The following UNC5D variants were observed in gnomAD, a reference collection of about 807,000 sequenced individuals.
UNC5D encodes the protein netrin receptor UNC5D.
UNC5D carries 39 observed loss-of-function variants against 105.4 expected under a neutral mutation model. The ratio of observed to expected loss-of-function variants is 0.37; its 90% confidence interval spans 0.29 to 0.48. The LOEUF (loss-of-function observed/expected upper bound fraction) is 0.48. Ranked by LOEUF, UNC5D falls within the 20% of genes least tolerant of loss-of-function variation. The pLI, the probability that UNC5D is intolerant of heterozygous loss-of-function variation, is 0.98. For synonymous variants in UNC5D, 452 were observed against 450.4 expected (o/e 1.00, Z -0.04); for missense variants, 991 against 1,202.4 (o/e 0.82, Z 2.60).
intron 1 of UNC5D, among the ~76,000 whole-genome samples, chr8:35,454,723 C>T (rs1372675153): frequency 6.6e-6 from 1 of 152,032 alleles, no homozygotes; most frequent in Non-Finnish European, 1.5e-5. Flanking sequence ...CTGTGTAGCC[C>T]CCGTACCCAT....
chr8:35,295,462 G>C (rs1308741352), intron 1 of UNC5D, among the ~76,000 whole-genome samples: 1 of 152,038 alleles, frequency 6.6e-6, no homozygotes, highest in Non-Finnish European at 1.5e-5. Flanking sequence ...GACTCACACA[G>C]CTCAGGCCTG....
At chr8:35,358,922 A>C (rs1801707789) in intron 1 of UNC5D, among the ~76,000 whole-genome samples, 1 of 152,208 alleles carries the variant, frequency 6.6e-6, no homozygotes, top group African/African-American at 2.4e-5. Context: ...GAATGAGTTA[A>C]GAATTGGTAT....
intron 1 of UNC5D, among the ~76,000 whole-genome samples, chr8:35,241,084 T>A (rs1320217043): frequency 1.3e-5 from 2 of 152,204 alleles, no homozygotes; most frequent in Non-Finnish European, 2.9e-5. Flanking sequence ...GCATGAGATT[T>A]GAGAATAGAT....
intron 1 of UNC5D, among the ~76,000 whole-genome samples, chr8:35,431,210 A>G (rs927217927): frequency 1.4e-4 from 22 of 152,198 alleles, no homozygotes; most frequent in African/African-American, 4.8e-4. Context: ...GTAAAAGACC[A>G]TAAGTGTAAA....
At chr8:35,410,034 A>G (rs933448728) in intron 1 of UNC5D, among the ~76,000 whole-genome samples, 1 of 151,820 alleles carries the variant, frequency 6.6e-6, no homozygotes, top group Non-Finnish European at 1.5e-5. Context: ...AATTGGGGAG[A>G]ATTGACACTT....
intron 4 of UNC5D, among the ~76,000 whole-genome samples, chr8:35,604,083 A>C (rs753195764): frequency 6.6e-6 from 1 of 152,170 alleles, no homozygotes; most frequent in Non-Finnish European, 1.5e-5. Flanking sequence ...TGATCCTGTC[A>C]TTATGATGTT....
intron 4 of UNC5D, among the ~76,000 whole-genome samples, chr8:35,617,643 T>C (rs114917108): frequency 0.012 from 1,811 of 152,260 alleles, 41 homozygotes; most frequent in African/African-American, 0.041. Flanking sequence ...TTTGTGCAAA[T>C]TGCAGTGGCT....
chr8:35,455,305 GTGTCATTC>G (rs1043733756), intron 1 of UNC5D, among the ~76,000 whole-genome samples: 1 of 148,358 alleles, frequency 6.7e-6, no homozygotes, highest in African/African-American at 2.5e-5. Context: ...TTGAGACTGA[GTGTCATTC>G]TGTCACCCAG....
At chr8:35,343,097 A>C (rs186721516) in intron 1 of UNC5D, among the ~76,000 whole-genome samples, 1 of 152,192 alleles carries the variant, frequency 6.6e-6, no homozygotes, top group East Asian at 1.9e-4. Context: ...GGTTCTGACA[A>C]GTTCCTAGGT....
At chr8:35,646,733 G>A (rs1160175075) in intron 4 of UNC5D, among the ~76,000 whole-genome samples, 1 of 152,006 alleles carries the variant, frequency 6.6e-6, no homozygotes, top group East Asian at 1.9e-4. Context: ...GATCACTGAT[G>A]ATTATTATTT....
intron 15 of UNC5D, among the ~76,000 whole-genome samples, chr8:35,768,839 G>A (rs1801887160): frequency 6.6e-6 from 1 of 152,124 alleles, no homozygotes; most frequent in Non-Finnish European, 1.5e-5. Context: ...ATAATGAGAG[G>A]CAAGTATGAG....
At chr8:35,441,628 G>T (rs926459746) in intron 1 of UNC5D, among the ~76,000 whole-genome samples, 7 of 151,622 alleles carry the variant, frequency 4.6e-5, no homozygotes, top group Non-Finnish European at 8.8e-5. Flanking sequence ...TTAGACGTGG[G>T]TCACTGGCTT....
In UNC5D at chr8:35,435,479, G is replaced by C. The variant is rs192828394; in HGVS notation, c.104-113813G>C. Among the ~76,000 whole-genome samples the C allele has an allele frequency of 3.9e-5, 6 of 152,182 alleles. No homozygotes were observed. In the East Asian group the frequency reaches 1.2e-3, roughly 29 times the overall value. The stretch of plus-strand genomic sequence containing the variant: ...CAGTTTCTAAGAACTAGTAATTACA[G>C]GTAGAATGACATTGGAAGTTGTATT... On this transcript the variant is annotated intron_variant, in intron 1 of 16. Transcript: ENST00000404895.
At chr8:35,748,093 G>T (rs1830090517) in intron 11 of UNC5D, among the ~76,000 whole-genome samples, 1 of 152,152 alleles carries the variant, frequency 6.6e-6, no homozygotes, top group East Asian at 1.9e-4. Context: ...CCAGCATTAA[G>T]AATATTTTAG....
intron 4 of UNC5D, among the ~76,000 whole-genome samples, chr8:35,602,881 AC>A (rs1819994107): frequency 1.6e-5 from 1 of 62,270 alleles, no homozygotes; most frequent in East Asian, 5.4e-4. Context: ...CCCTCCCCCC[AC>A]CCCACAACAG....
chr8:35,656,137 C>T (rs1373749251), intron 4 of UNC5D, among the ~76,000 whole-genome samples: 1 of 152,144 alleles, frequency 6.6e-6, no homozygotes, highest in Non-Finnish European at 1.5e-5. Flanking sequence ...GAGTTATCTG[C>T]CTCTCCGCTG....
chr8:35,549,199 C>A, intron 1 of UNC5D, 93 bp from the exon 2 acceptor site: 1 of 1,184,838 alleles, frequency 8.4e-7, no homozygotes, highest in Non-Finnish European at 1.2e-6. Context: ...TTCTCCAGCA[C>A]AGAATCTTAG....
intron 1 of UNC5D, among the ~76,000 whole-genome samples, chr8:35,248,961 AAT>A (rs1311360261): frequency 4.6e-4 from 44 of 94,992 alleles, no homozygotes; most frequent in Non-Finnish European, 7.0e-4. Flanking sequence ...AAACATATAT[AAT>A]ATATATTATA....
At position 35,511,673 on chromosome 8, in the gene UNC5D, AAAG is replaced by A. The variant is rs1219682546; in HGVS notation, c.104-37610_104-37608del. On this transcript the variant is annotated intron_variant, in intron 1 of 16. Transcript: ENST00000404895. The stretch of plus-strand genomic sequence containing the variant: ...CTTTTGGCTTTTCTGGGCCACATTG[AAAG>A]AAGAAGAATTGTCTTGGGCCACACA... Among the ~76,000 whole-genome samples the A allele has an allele frequency of 3.9e-5, 6 of 152,094 alleles. No homozygotes were observed. The South Asian group carries it at 8.3e-4, about 21-fold the overall frequency.
Sources: allele counts gnomAD v4.1 joint callset (sites outside exome capture counted in the v4.1 genomes callset), GRCh38; gene constraint gnomAD v4.1.1; transcripts MANE v1.5; gene names NCBI Gene and HGNC (gene_info 2026-07-23, HGNC 2026-07-21).